Variants in NIPSNAP3B observed in about 807,000 individuals in gnomAD.
The protein encoded by NIPSNAP3B is nipsnap homolog 3B, also known as protein NipSnap homolog 3B.
Under a neutral mutation model 31.5 loss-of-function variants are expected in NIPSNAP3B, and 30 were observed. The observed-to-expected ratio is 0.95, with a 90% CI of 0.71 to 1.29. The LOEUF (loss-of-function observed/expected upper bound fraction) is 1.29, where lower values mean the gene tolerates loss of function less well. NIPSNAP3B is among the 50% of genes most tolerant of loss of function. NIPSNAP3B has a pLI of 0.00. For synonymous variants in NIPSNAP3B, 106 were observed against 107.9 expected, an observed-to-expected ratio of 0.98 and a Z score of 0.11; for missense variants, 269 against 300.7, an observed-to-expected ratio of 0.89 and a Z score of 0.78.
chr9:104,786,811 G>A, the NIPSNAP3B span: 134 of 1,373,958 alleles, frequency 9.8e-5, 1 homozygote, highest in Admixed American at 1.3e-3. Context: ...CAAAATGATC[G>A]CATATTCTAC....
intron 4 of NIPSNAP3B, 22 bp from the exon 5 acceptor site, chr9:104,772,800 T>C (rs1828252443): frequency 1.2e-6 from 2 of 1,606,532 alleles, no homozygotes; most frequent in Non-Finnish European, 1.7e-6. Flanking sequence ...TTTCAGAAAC[T>C]ACTTGTGGTT....
At chr9:104,766,557 G>A (rs1828095436) in intron 2 of NIPSNAP3B, 22 bp downstream of exon 2, 2 of 1,593,606 alleles carry the variant, frequency 1.3e-6, no homozygotes, top group South Asian at 1.1e-5. Context: ...TCCAGTTTTA[G>A]TATTCAGTAT....
At chr9:104,787,879 TC>T in the NIPSNAP3B span, 1 of 1,613,868 alleles carries the variant, frequency 6.2e-7, no homozygotes, top group South Asian at 1.1e-5. Context: ...TGTTTTCCAC[TC>T]AGGCCAGAAC....
At chr9:104,766,563 A>G in intron 2 of NIPSNAP3B, 28 bp downstream of exon 2, 1 of 1,587,528 alleles carries the variant, frequency 6.3e-7, no homozygotes, top group Non-Finnish European at 8.6e-7. Context: ...TTTAGTATTC[A>G]GTATAGATTT....
rs267602075 is a variant in NIPSNAP3B at position 104,768,993 on chromosome 9, G to A, written c.402G>A (p.Trp134Ter). ...CGGAAATTACTTACCTGATACCATG[G>A]TCCAAATTAGAAAAGCCTCCAAAAG... ...QETEITYLIP[W>*]SKLEKPPKEG... The change falls in exon 3 of 6, where the codon TGG (tryptophan) becomes TGA (stop). Residue 134 changes from tryptophan (W) to a stop codon, truncating the protein, a stop_gained. Coordinates refer to ENST00000374762, the MANE Select transcript of NIPSNAP3B (RefSeq NM_018376.4). LOFTEE classifies it high-confidence loss of function. 6.2e-7 allele frequency: 1 copy of A among 1,612,770 alleles called. No individual in the cohort carries two copies. The highest frequency in any genetic ancestry group is 8.5e-7 in the Non-Finnish European group (1 of 1,179,590).
downstream of NIPSNAP3B, chr9:104,781,408 T>G (rs551547276): frequency 1.7e-4 from 26 of 149,694 alleles, 1 homozygote; most frequent in South Asian, 1.7e-3. Context: ...TTATTACTAG[T>G]AGATAATAAC....
chr9:104,766,522 T>A lies in NIPSNAP3B; in HGVS notation c.258T>A (p.His86Gln), dbSNP rs749306472. 24 of 1,612,922 alleles carry A rather than the reference T, an allele frequency of 1.5e-5. No homozygotes were observed. In the African/African-American group the frequency reaches 3.2e-4, roughly 22 times the overall value. ...GAGGCAGAACGAATAAAGTGTTTCA[T>A]ATTTGGAAGTATGGTAAAGAGTCAT... ...EFGGRTNKVFHIWKYDNFAHR... is the reference protein window; with the variant it reads ...EFGGRTNKVFQIWKYDNFAHR... Residue 86 changes from histidine (H) to glutamine (Q), a missense_variant, in exon 2 of 6, where the codon CAT becomes CAA. Transcript: ENST00000374762.
intron 3 of NIPSNAP3B, among the ~76,000 whole-genome samples, chr9:104,770,143 C>T (rs1432815424): frequency 6.6e-6 from 1 of 152,066 alleles, no homozygotes; most frequent in Non-Finnish European, 1.5e-5. Flanking sequence ...ATTAATAGTT[C>T]CCTTCCTCTA....
chr9:104,786,818 C>T, the NIPSNAP3B span: 1 of 1,450,366 alleles, frequency 6.9e-7, no homozygotes, highest in Non-Finnish European at 9.7e-7. Flanking sequence ...ATCGCATATT[C>T]TACTTGGAAA....
At chr9:104,782,678 A>C (rs1474888171), downstream of NIPSNAP3B, 1 of 152,182 alleles carries the variant, frequency 6.6e-6, no homozygotes, top group Non-Finnish European at 1.5e-5. Context: ...AGACTGTCAG[A>C]TTTAATGGGG....
chr9:104,783,670 T>C, the NIPSNAP3B span: 1 of 153,086 alleles, frequency 6.5e-6, no homozygotes, highest in East Asian at 1.9e-4. Flanking sequence ...GAACAGCTTA[T>C]CAGAGGGAAT....
At chr9:104,787,022 A>G in the NIPSNAP3B span, 2 of 1,544,800 alleles carry the variant, frequency 1.3e-6, no homozygotes, top group Non-Finnish European at 1.8e-6. Flanking sequence ...GGGAAAAAAA[A>G]TCAAAGATAA....
chr9:104,787,510 G>T, the NIPSNAP3B span, among the ~76,000 whole-genome samples: 2 of 152,012 alleles, frequency 1.3e-5, no homozygotes, highest in Non-Finnish European at 2.9e-5. Context: ...AAAGGTCAAG[G>T]GCCACTTCCC....
chr9:104,778,307 T>C (rs906663888), downstream of NIPSNAP3B, among the ~76,000 whole-genome samples: 13 of 152,222 alleles, frequency 8.5e-5, 1 homozygote, highest in South Asian at 4.2e-4. Flanking sequence ...CTCAGCTCAC[T>C]GAAACCTCCG....
downstream of NIPSNAP3B, chr9:104,782,313 T>G (rs1041411944): frequency 2.6e-5 from 4 of 152,140 alleles, no homozygotes; most frequent in Non-Finnish European, 5.9e-5. Flanking sequence ...ACAATCATTT[T>G]TTTCTTTTTC....
chr9:104,770,695 A>G (rs973430585), intron 3 of NIPSNAP3B, among the ~76,000 whole-genome samples, 154 bp from the exon 4 acceptor site: 2 of 152,246 alleles, frequency 1.3e-5, no homozygotes, highest in African/African-American at 2.4e-5. Flanking sequence ...GCAAAGAAAA[A>G]TAATGCAGAG....
downstream of NIPSNAP3B, chr9:104,782,154 A>G (rs1828583344): frequency 6.6e-6 from 1 of 152,242 alleles, no homozygotes; most frequent in Non-Finnish European, 1.5e-5. Flanking sequence ...CATAACTTTG[A>G]TTTTGAAAAA....
Position 104,774,182 on chromosome 9 carries a change from A to G in NIPSNAP3B, c.*1109A>G, listed in dbSNP as rs1355106988. On this transcript the variant is annotated 3_prime_UTR_variant, in exon 6 of 6. Transcript: ENST00000374762. ...TGTATTTACAGCTATGTTATTTTAT[A>G]TTTTTAAAATCTTACAGCTATAAAA... Among the ~76,000 whole-genome samples, 1 of 152,200 alleles carries G rather than the reference A, an allele frequency of 6.6e-6. No individual in the cohort carries two copies. The highest frequency in any genetic ancestry group is 2.4e-5 in the African/African-American group (1 of 41,452).
Position 104,774,961 on chromosome 9 carries a change from A to T in NIPSNAP3B, c.*1888A>T, listed in dbSNP as rs907443601. On this transcript the variant is annotated 3_prime_UTR_variant, in exon 6 of 6. Transcript: ENST00000374762. ...GAAAATAACAATCAGAAGAGTCTTC[A>T]TAAGTTCCCACCCCGTCTGCCCGCT... is the stretch of plus-strand genomic sequence containing the variant. 2.6e-5 allele frequency among the ~76,000 whole-genome samples: 4 copies of T among 152,170 alleles called. No homozygotes were observed.
Sources: allele counts gnomAD v4.1 joint callset (sites outside exome capture counted in the v4.1 genomes callset), GRCh38; gene constraint gnomAD v4.1.1; transcripts MANE v1.5; gene names NCBI Gene and HGNC (gene_info 2026-07-23, HGNC 2026-07-21).